SLC25A15: variants seen among roughly 807,000 people sequenced by gnomAD.
SLC25A15 encodes the protein mitochondrial ornithine transporter 1.
A neutral mutation model predicts 32.3 loss-of-function variants in SLC25A15; 24 were observed. The ratio of observed to expected loss-of-function variants is 0.74; its 90% CI spans 0.54 to 1.04. The LOEUF is 1.04. SLC25A15 is among the 50% of genes least tolerant of loss of function. The probability of loss-of-function intolerance (pLI) is 0.00; values close to 1 mark genes in which losing one functional copy is unlikely to be tolerated. For missense variants in SLC25A15, 317 were observed against 374.5 expected (o/e 0.85, Z 1.27); for synonymous variants, 132 against 142.1 (o/e 0.93, Z 0.51).
intron 6 of SLC25A15, 54 bp from the exon 7 acceptor site, chr13:40,809,489 G>C: frequency 1.2e-6 from 2 of 1,609,992 alleles, no homozygotes; most frequent in Non-Finnish European, 8.5e-7. Flanking sequence ...CAGCTGCGTG[G>C]GTATCCCCAA....
intron 5 of SLC25A15, among the ~76,000 whole-genome samples, chr13:40,808,011 A>G (rs1207940117): frequency 2.6e-5 from 4 of 152,206 alleles, no homozygotes; most frequent in Non-Finnish European, 5.9e-5. Flanking sequence ...TAATAAAAAC[A>G]ATTTTGGCTT....
At chr13:40,803,827 T>C (rs746888699) in intron 3 of SLC25A15, among the ~76,000 whole-genome samples, 5 of 152,232 alleles carry the variant, frequency 3.3e-5, no homozygotes, top group Admixed American at 6.5e-5. Flanking sequence ...ACATTGCACA[T>C]CTGGTTGCTC....
chr13:40,799,541 G>A (rs1377775983), intron 3 of SLC25A15, among the ~76,000 whole-genome samples: 2 of 152,062 alleles, frequency 1.3e-5, no homozygotes, highest in Non-Finnish European at 2.9e-5. Flanking sequence ...AATTTTACTG[G>A]TGCCTTATGT....
chr13:40,793,118 T>C (rs1270388266), intron 1 of SLC25A15, 40 bp from the exon 2 acceptor site: 1 of 1,110,316 alleles, frequency 9.0e-7, no homozygotes, highest in Admixed American at 1.9e-5. Context: ...AACAGGATGC[T>C]GCAGACTTGG....
At chr13:40,798,637 G>T (rs1363089190) in intron 2 of SLC25A15, 2 of 343,968 alleles carry the variant, frequency 5.8e-6, no homozygotes, top group African/African-American at 4.4e-5. Flanking sequence ...AGCCGGTGCT[G>T]TGCCAAGCCT....
intron 3 of SLC25A15, among the ~76,000 whole-genome samples, chr13:40,803,010 G>A (rs893283506): frequency 1.3e-5 from 2 of 152,248 alleles, no homozygotes; most frequent in African/African-American, 4.8e-5. Context: ...TGTCCAGTGA[G>A]AGCATGATGC....
chr13:40,804,951 T>A (rs139885978), intron 3 of SLC25A15, among the ~76,000 whole-genome samples, 167 bp from the exon 4 acceptor site: 1 of 152,178 alleles, frequency 6.6e-6, no homozygotes, highest in South Asian at 2.1e-4. Context: ...CTAGAACACA[T>A]GGGCTCAAGT....
intron 4 of SLC25A15, among the ~76,000 whole-genome samples, chr13:40,806,386 C>A (rs1410812051): frequency 2.0e-5 from 3 of 152,174 alleles, no homozygotes; most frequent in Non-Finnish European, 4.4e-5. Flanking sequence ...TTAGGCAGAT[C>A]AACACCTTGA....
chr13:40,792,132 C>G (rs1881529407), intron 1 of SLC25A15, among the ~76,000 whole-genome samples: 1 of 152,204 alleles, frequency 6.6e-6, no homozygotes, highest in South Asian at 2.1e-4. Flanking sequence ...CAGTAGTTGA[C>G]TTTTGTCTAA....
chr13:40,808,825 C>T (rs1488958051), intron 6 of SLC25A15, among the ~76,000 whole-genome samples: 1 of 146,334 alleles, frequency 6.8e-6, no homozygotes, highest in African/African-American at 2.6e-5. Context: ...GTCCCAGCTA[C>T]TCGGGAGGCT....
chr13:40,796,522 A>G (rs1354776381), intron 2 of SLC25A15, among the ~76,000 whole-genome samples: 1 of 152,230 alleles, frequency 6.6e-6, no homozygotes, highest in Non-Finnish European at 1.5e-5. Flanking sequence ...CTTGTTTAGC[A>G]TAGTTGGAGA....
At chr13:40,807,543 C>G in intron 5 of SLC25A15, 80 bp downstream of exon 5, 1 of 1,467,186 alleles carries the variant, frequency 6.8e-7, no homozygotes, top group Non-Finnish European at 9.5e-7. Context: ...ATTCTCTGCC[C>G]TTTGTGCTCT....
At chr13:40,808,780 A>G (rs1882306206) in intron 6 of SLC25A15, among the ~76,000 whole-genome samples, 184 bp downstream of exon 6, 1 of 151,710 alleles carries the variant, frequency 6.6e-6, no homozygotes. Flanking sequence ...AAAAATACCA[A>G]AAAAATCAGC....
intron 2 of SLC25A15, among the ~76,000 whole-genome samples, chr13:40,796,197 G>A (rs1881665529): frequency 6.6e-6 from 1 of 152,188 alleles, no homozygotes; most frequent in South Asian, 2.1e-4. Flanking sequence ...GAGCTTAAAT[G>A]TGGTGTTGTG....
chr13:40,792,712 T>C (rs1215717413), intron 1 of SLC25A15, among the ~76,000 whole-genome samples: 1 of 152,216 alleles, frequency 6.6e-6, no homozygotes, highest in Non-Finnish European at 1.5e-5. Flanking sequence ...AGGGTGCAGC[T>C]CCCACCCTTG....
At position 40,809,995 on chromosome 13, in the gene SLC25A15, T is replaced by C. The variant is rs2138060120; in HGVS notation, c.*328T>C. The stretch of plus-strand genomic sequence containing the variant: ...CGTAAACCTCCACTTGTACATGCAA[T>C]TTGGACAGTTATGTGTTGAGGGAAA... On this transcript the variant is annotated 3_prime_UTR_variant, in exon 7 of 7. Coordinates refer to ENST00000338625, the MANE Select transcript of SLC25A15 (RefSeq NM_014252.4). The C allele has an allele frequency of 1.9e-5, 7 of 370,216 alleles. No individual in the cohort carries two copies. Among genetic ancestry groups the C allele is most frequent in the South Asian group, 1.4e-4 (6 of 43,356 alleles). The allele number at this position is 370,216 out of a possible 1,614,324, so 22.9% of individuals were successfully genotyped here. A position where few individuals can be genotyped will look rare whatever the true frequency, so the allele number is the denominator to read the frequency against.
intron 3 of SLC25A15, among the ~76,000 whole-genome samples, 171 bp from the exon 4 acceptor site, chr13:40,804,947 C>G (rs890724490): frequency 1.3e-5 from 2 of 152,084 alleles, no homozygotes; most frequent in Non-Finnish European, 2.9e-5. Flanking sequence ...TAGCCTAGAA[C>G]ACATGGGCTC....
At chr13:40,798,169 A>G (rs1490731724) in intron 2 of SLC25A15, among the ~76,000 whole-genome samples, 2 of 151,724 alleles carry the variant, frequency 1.3e-5, no homozygotes, top group African/African-American at 4.8e-5. Flanking sequence ...AATCCCAGCT[A>G]CTTGGGAAGC....
intron 1 of SLC25A15, among the ~76,000 whole-genome samples, chr13:40,790,513 C>T (rs1881441837): frequency 6.6e-6 from 1 of 152,228 alleles, no homozygotes; most frequent in African/African-American, 2.4e-5. Flanking sequence ...CTGCCCACTC[C>T]TTCTGAGTGA....
Sources: gnomAD v4.1 joint callset for allele counts (sites outside exome capture counted in the v4.1 genomes callset) on GRCh38, gnomAD v4.1.1 for gene constraint, MANE v1.5 for transcripts, NCBI Gene and HGNC (gene_info 2026-07-23, HGNC 2026-07-21) for gene names.